MSTO1: variants seen among roughly 807,000 people sequenced by gnomAD.
The protein encoded by MSTO1 is misato mitochondrial distribution and morphology regulator 1.
A neutral mutation model predicts 55.7 loss-of-function variants in MSTO1; 24 were observed. The observed-to-expected ratio is 0.43, with a 90% CI of 0.31 to 0.61. MSTO1 has a LOEUF of 0.61. Ranked by LOEUF, MSTO1 falls within the 20% of genes least tolerant of loss-of-function variation. The probability of loss-of-function intolerance (pLI) is 0.09; values close to 1 mark genes in which losing one functional copy is unlikely to be tolerated. For synonymous variants in MSTO1, 162 were observed against 252.8 expected (o/e 0.64, Z 3.41); for missense variants, 363 against 625.7 (o/e 0.58, Z 4.48).
At chr1:155,593,279 C>A in the MSTO1 span, among the ~76,000 whole-genome samples, 1 of 152,042 alleles carries the variant, frequency 6.6e-6, no homozygotes, top group Non-Finnish European at 1.5e-5. Flanking sequence ...ATTCTTTATT[C>A]GAGGGCAAAA....
the MSTO1 span, among the ~76,000 whole-genome samples, chr1:155,604,807 C>T: frequency 6.6e-6 from 1 of 151,948 alleles, no homozygotes. Context: ...CCCAAGAGGT[C>T]GAAGTTGCAC....
At chr1:155,588,876 A>G in the MSTO1 span, among the ~76,000 whole-genome samples, 1 of 152,176 alleles carries the variant, frequency 6.6e-6, no homozygotes, top group Non-Finnish European at 1.5e-5. Flanking sequence ...CTCTCCCTGC[A>G]TGTGCCCCCT....
Position 155,612,109 on chromosome 1 carries a change from G to A in MSTO1, c.678+9G>A, listed in dbSNP as rs774770934. 46 of 1,612,622 alleles carry A rather than the reference G, an allele frequency of 2.9e-5. No individual in the cohort carries two copies. The South Asian group carries it at 2.9e-4, about 10-fold the overall frequency. On this transcript the variant is annotated intron_variant, in intron 7 of 13. Coordinates refer to ENST00000245564, the MANE Select transcript of MSTO1 (RefSeq NM_018116.4). ...AATGTGACTACTTGCAGGTAGTGGCGTGGCAATGTGCACTCCAGGGTGGAA... is the reference window on the plus strand; with the variant it reads ...AATGTGACTACTTGCAGGTAGTGGCATGGCAATGTGCACTCCAGGGTGGAA...
upstream of MSTO1, among the ~76,000 whole-genome samples, chr1:155,609,243 A>ATATATTTTTTTTTTT (rs59756178): frequency 7.3e-5 from 4 of 54,574 alleles, no homozygotes; most frequent in Non-Finnish European, 1.2e-4. Context: ...ATATATATAT[A>ATATATTTTTTTTTTT]TTTTTTTTTT....
the MSTO1 span, among the ~76,000 whole-genome samples, chr1:155,575,796 TTTTA>T: frequency 0.01 from 1,499 of 144,686 alleles, 30 homozygotes; most frequent in East Asian, 0.095. Context: ...CTTATTTTAT[TTTTA>T]TTTATTTATT....
chr1:155,564,141 T>C, the MSTO1 span, among the ~76,000 whole-genome samples: 1 of 152,240 alleles, frequency 6.6e-6, no homozygotes, highest in African/African-American at 2.4e-5. Flanking sequence ...GGGTTTCCCT[T>C]TCCTTCACAT....
At chr1:155,586,835 C>T in the MSTO1 span, 1 of 268,036 alleles carries the variant, frequency 3.7e-6, no homozygotes, top group East Asian at 9.9e-5. Context: ...GCAACCTCTG[C>T]CTTCCAGGTT....
chr1:155,564,241 C>A, the MSTO1 span, among the ~76,000 whole-genome samples: 3 of 152,224 alleles, frequency 2.0e-5, no homozygotes, highest in African/African-American at 7.2e-5. Context: ...CGCTTGTAAT[C>A]CCAGCGCTTT....
the MSTO1 span, among the ~76,000 whole-genome samples, chr1:155,567,437 G>A: frequency 6.7e-6 from 1 of 150,014 alleles, no homozygotes; most frequent in Admixed American, 6.7e-5. Context: ...TCAGCCTCCC[G>A]AGTAGCTGGG....
chr1:155,563,297 C>G, the MSTO1 span: 5 of 455,866 alleles, frequency 1.1e-5, no homozygotes, highest in African/African-American at 1.0e-4. Context: ...GTGTGCCGGT[C>G]GCCTAGTCAG....
At position 155,611,285 on chromosome 1, in the gene MSTO1, T is replaced by C. The variant is rs1303562046; in HGVS notation, c.360T>C (p.Ser120=). 1.9e-6 allele frequency: 3 copies of C among 1,613,324 alleles called. No homozygotes were observed. The highest frequency in any genetic ancestry group is 8.5e-7 in the Non-Finnish European group (1 of 1,179,690). The change falls in exon 4 of 14, where the codon AGT becomes AGC. Residue 120 remains serine (S), a synonymous_variant. Coordinates refer to ENST00000245564, the MANE Select transcript of MSTO1 (RefSeq NM_018116.4). ...PKNPYLQDFL[S]AEGVLSSDGV... is the part of the protein sequence containing the mutation. The stretch of plus-strand genomic sequence containing the variant: ...ACCCTTATCTCCAAGACTTTCTGAG[T>C]GCAGAGGTGAGGGCCTCTGTCCTGA...
upstream of MSTO1, chr1:155,610,165 C>T: frequency 8.7e-7 from 1 of 1,144,602 alleles, no homozygotes; most frequent in African/African-American, 1.5e-5. Flanking sequence ...GAGAATAACA[C>T]CCGCCCACGC....
intron 11 of MSTO1, 105 bp from the exon 12 acceptor site, chr1:155,613,357 A>G (rs1341050799): frequency 1.3e-6 from 2 of 1,564,104 alleles, no homozygotes; most frequent in Non-Finnish European, 1.7e-6. Flanking sequence ...GAAAAAAAAA[A>G]GGGCTTTGAA....
the MSTO1 span, among the ~76,000 whole-genome samples, chr1:155,603,460 A>G: frequency 6.6e-6 from 1 of 152,168 alleles, no homozygotes; most frequent in Non-Finnish European, 1.5e-5. Flanking sequence ...TGGTTACAGA[A>G]TTAATATACT....
At chr1:155,601,393 T>C in the MSTO1 span, among the ~76,000 whole-genome samples, 1 of 152,044 alleles carries the variant, frequency 6.6e-6, no homozygotes, top group Non-Finnish European at 1.5e-5. Flanking sequence ...CGACTTGAGC[T>C]CCCAAAGTGC....
At chr1:155,569,751 G>T in the MSTO1 span, among the ~76,000 whole-genome samples, 3,385 of 151,704 alleles carry the variant, frequency 0.022, 122 homozygotes, top group African/African-American at 0.075. Context: ...GTTTTTTTTG[G>T]TTTTTTTGTT....
rs753013408 is a variant in MSTO1 at position 155,611,484 on chromosome 1, G to A, written c.367-65G>A. 33 of 1,613,880 alleles carry A rather than the reference G, an allele frequency of 2.0e-5. No homozygotes were observed. In the South Asian group the frequency reaches 2.4e-4, roughly 12 times the overall value. On this transcript the variant is annotated intron_variant, in intron 4 of 13. Transcript: ENST00000245564. Reference sequence around the variant, plus strand: ...GCGGTGTGGCCAGCCAACTCAAGGAGGACGAAGCAACCTTTGCCTCTAAAC... The same window carrying A: ...GCGGTGTGGCCAGCCAACTCAAGGAAGACGAAGCAACCTTTGCCTCTAAAC...
At chr1:155,598,944 T>C in the MSTO1 span, 1 of 1,271,412 alleles carries the variant, frequency 7.9e-7, no homozygotes, top group African/African-American at 1.5e-5. Flanking sequence ...GTCTTCTCTC[T>C]GTTAGGTTCA....
At chr1:155,566,976 A>G in the MSTO1 span, among the ~76,000 whole-genome samples, 1 of 152,228 alleles carries the variant, frequency 6.6e-6, no homozygotes, top group South Asian at 2.1e-4. Context: ...TCCCATGCTC[A>G]AGGGATCCTA....
Sources: gnomAD v4.1 joint callset for allele counts (sites outside exome capture counted in the v4.1 genomes callset) on GRCh38, gnomAD v4.1.1 for gene constraint, MANE v1.5 for transcripts, NCBI Gene and HGNC (gene_info 2026-07-23, HGNC 2026-07-21) for gene names.